Variants in SPON1 observed in about 807,000 individuals in gnomAD.
SPON1 encodes the protein spondin 1, also known as spondin-1.
Under a neutral mutation model 111.7 loss-of-function variants are expected in SPON1, and 52 were observed. That is an observed-to-expected ratio of 0.47 (90% confidence interval 0.37 to 0.59). The LOEUF is 0.59. Ranked by LOEUF, SPON1 falls within the 20% of genes least tolerant of loss-of-function variation. SPON1 has a pLI of 0.00. For missense variants in SPON1, 957 were observed against 1,068.5 expected (o/e 0.90, Z 1.46); for synonymous variants, 410 against 395.8 (o/e 1.04, Z -0.43).
chr11:14,229,091 A>G (rs1848768517), intron 6 of SPON1, among the ~76,000 whole-genome samples: 1 of 152,330 alleles, frequency 6.6e-6, no homozygotes, highest in South Asian at 2.1e-4. Flanking sequence ...GACAATCACA[A>G]AGTTTTACGA....
intron 5 of SPON1, among the ~76,000 whole-genome samples, chr11:14,085,205 A>G (rs182601351): frequency 6.6e-6 from 1 of 152,194 alleles, no homozygotes; most frequent in African/African-American, 2.4e-5. Context: ...TGTTGTAGTC[A>G]TGAAGTCTTT....
chr11:14,128,254 C>T (rs1847485872), intron 5 of SPON1, among the ~76,000 whole-genome samples: 1 of 152,178 alleles, frequency 6.6e-6, no homozygotes, highest in Non-Finnish European at 1.5e-5. Flanking sequence ...TGCCTATAAG[C>T]CTGTAAAATC....
intron 6 of SPON1, among the ~76,000 whole-genome samples, chr11:14,161,011 T>TC (rs1847942030): frequency 5.7e-5 from 2 of 35,126 alleles, no homozygotes; most frequent in South Asian, 1.4e-3. Flanking sequence ...ATTTATATAT[T>TC]TATATATCTA....
In SPON1 at chr11:14,228,236, C is replaced by A. The variant is rs905100114; in HGVS notation, c.826-15096C>A. Among the ~76,000 whole-genome samples, 3 of 152,194 alleles carry A rather than the reference C, an allele frequency of 2.0e-5. No homozygotes were observed. The highest frequency in any genetic ancestry group is 4.4e-5 in the Non-Finnish European group (3 of 68,036). On this transcript the variant is annotated intron_variant, in intron 6 of 15. Transcript: ENST00000576479. The surrounding 1 kb of genome is among the most constrained non-coding windows in gnomAD (Gnocchi z 4.2). ...TCAGTTCTCCCACTGTTCTTCCAAC[C>A]ACTGACAACACATTGTTCAGGCAGC...
At chr11:14,096,268 A>C (rs190154035) in intron 5 of SPON1, among the ~76,000 whole-genome samples, 1 of 152,260 alleles carries the variant, frequency 6.6e-6, no homozygotes, top group East Asian at 1.9e-4. Context: ...TGAACACATA[A>C]ATCTCTGTTG....
At chr11:14,029,819 C>T (rs941694635) in intron 2 of SPON1, among the ~76,000 whole-genome samples, 2 of 152,186 alleles carry the variant, frequency 1.3e-5, no homozygotes, top group Non-Finnish European at 2.9e-5. Flanking sequence ...GGTTTTGTGC[C>T]AGAAGCTTCT....
chr11:14,143,478 C>T (rs1398767418), intron 6 of SPON1, among the ~76,000 whole-genome samples: 2 of 151,848 alleles, frequency 1.3e-5, no homozygotes, highest in African/African-American at 4.8e-5. Flanking sequence ...GGAAGGATCA[C>T]TTGGCCCAGG....
chr11:14,265,110 C>T (rs1564945490), intron 15 of SPON1, among the ~76,000 whole-genome samples: 1 of 152,154 alleles, frequency 6.6e-6, no homozygotes. Context: ...TTGGACCAGA[C>T]CAGCCTCACC....
intron 2 of SPON1, among the ~76,000 whole-genome samples, chr11:13,994,149 A>G (rs1848252950): frequency 6.6e-6 from 1 of 152,188 alleles, no homozygotes; most frequent in Non-Finnish European, 1.5e-5. Flanking sequence ...ACACTTTTCT[A>G]AAAATAAAAT....
At chr11:14,002,167 C>T (rs1848324108) in intron 2 of SPON1, among the ~76,000 whole-genome samples, 1 of 152,116 alleles carries the variant, frequency 6.6e-6, no homozygotes, top group Admixed American at 6.6e-5. Context: ...ATAATTCTGA[C>T]TTTAATAGTA....
intron 2 of SPON1, among the ~76,000 whole-genome samples, chr11:13,985,259 C>A (rs577211098): frequency 6.6e-6 from 1 of 152,294 alleles, no homozygotes; most frequent in East Asian, 1.9e-4. Flanking sequence ...TCATTGTTTC[C>A]ACCAGCCCTA....
At chr11:14,149,921 C>CTGAATT (rs55752510) in intron 6 of SPON1, among the ~76,000 whole-genome samples, 1 of 151,718 alleles carries the variant, frequency 6.6e-6, no homozygotes, top group Non-Finnish European at 1.5e-5. Flanking sequence ...TGAGGCATGA[C>CTGAATT]TGGGAAATCA....
At position 14,109,714 on chromosome 11, in the gene SPON1, G is replaced by T. The variant is rs138432845; in HGVS notation, c.677-25706G>T. 7.9e-5 allele frequency among the ~76,000 whole-genome samples: 12 copies of T among 152,136 alleles called. No individual in the cohort carries two copies. In the East Asian group the frequency reaches 2.3e-3, roughly 29 times the overall value. ...TCCCCCAATAAAGGATAAGTTCCAG[G>T]AACTGTAACTACCCTTTGTTCATTT... is the stretch of plus-strand genomic sequence containing the variant. On this transcript the variant is annotated intron_variant, in intron 5 of 15. Coordinates refer to ENST00000576479, the MANE Select transcript of SPON1 (RefSeq NM_006108.4).
At chr11:14,056,752 G>A (rs755925625) in intron 3 of SPON1, among the ~76,000 whole-genome samples, 13 of 152,104 alleles carry the variant, frequency 8.5e-5, no homozygotes, top group Non-Finnish European at 1.6e-4. Context: ...TTAGCCAGGC[G>A]TGGTGGCGGG....
At chr11:13,997,185 C>A (rs1243721697) in intron 2 of SPON1, among the ~76,000 whole-genome samples, 1 of 152,144 alleles carries the variant, frequency 6.6e-6, no homozygotes, top group African/African-American at 2.4e-5. Context: ...TGGGTTTTGA[C>A]AGTGTCAGTG....
intron 6 of SPON1, among the ~76,000 whole-genome samples, chr11:14,155,012 C>T (rs984012025): frequency 6.6e-6 from 1 of 152,186 alleles, no homozygotes; most frequent in Non-Finnish European, 1.5e-5. Context: ...AGCAAGAGTG[C>T]CCTTTACTCC....
chr11:14,120,297 G>A (rs1554926375), intron 5 of SPON1, among the ~76,000 whole-genome samples: 1 of 152,132 alleles, frequency 6.6e-6, no homozygotes, highest in African/African-American at 2.4e-5. Context: ...CTCCAACCCT[G>A]ATTCAGGCCC....
intron 6 of SPON1, among the ~76,000 whole-genome samples, chr11:14,184,632 T>TAACA (rs1848267154): frequency 6.6e-6 from 1 of 152,158 alleles, no homozygotes; most frequent in Non-Finnish European, 1.5e-5. Flanking sequence ...AAACCACCGC[T>TAACA]GTTCCAACCC....
At chr11:14,035,221 C>T (rs1004452972) in intron 2 of SPON1, among the ~76,000 whole-genome samples, 1 of 152,064 alleles carries the variant, frequency 6.6e-6, no homozygotes, top group Non-Finnish European at 1.5e-5. Context: ...GGATATGGCA[C>T]TATTAGGAGG....
Sources: allele counts gnomAD v4.1 joint callset (sites outside exome capture counted in the v4.1 genomes callset), GRCh38; gene constraint gnomAD v4.1.1; non-coding constraint Gnocchi (gnomAD v3.1); transcripts MANE v1.5; gene names NCBI Gene and HGNC (gene_info 2026-07-23, HGNC 2026-07-21).